The following APLF variants were observed in gnomAD, a reference collection of about 807,000 sequenced individuals.
APLF encodes the protein aprataxin and PNK-like factor.
In APLF, 61 loss-of-function variants were observed where a neutral mutation model predicts 55.6. The observed-to-expected ratio is 1.10, with a 90% CI of 0.89 to 1.36. The LOEUF is 1.36. Ranked by LOEUF, APLF falls within the 40% of genes most tolerant of loss-of-function variation. APLF has a pLI of 0.00. For synonymous variants in APLF, 207 were observed against 214.8 expected (o/e 0.96, Z 0.32); for missense variants, 611 against 602.5 (o/e 1.01, Z -0.15).
chr2:68,517,420 T>A (rs1669645428), intron 5 of APLF, among the ~76,000 whole-genome samples: 1 of 131,270 alleles, frequency 7.6e-6, no homozygotes, highest in Non-Finnish European at 1.5e-5. Flanking sequence ...TATATATTAC[T>A]ATATATTAAT....
At chr2:68,552,568 G>C (rs1670895387) in intron 8 of APLF, among the ~76,000 whole-genome samples, 1 of 151,988 alleles carries the variant, frequency 6.6e-6, no homozygotes, top group African/African-American at 2.4e-5. Flanking sequence ...AGCCTATCAG[G>C]CTTTTTTTTC....
chr2:68,563,787 G>T (rs991164344), intron 8 of APLF, among the ~76,000 whole-genome samples: 1 of 151,958 alleles, frequency 6.6e-6, no homozygotes, highest in African/African-American at 2.4e-5. Flanking sequence ...ACTGTTAAGG[G>T]CAAAGCAGGA....
intron 1 of APLF, among the ~76,000 whole-genome samples, chr2:68,488,276 T>G (rs1676247677): frequency 6.6e-6 from 1 of 152,004 alleles, no homozygotes; most frequent in South Asian, 2.1e-4. Flanking sequence ...AAATTACTTT[T>G]GAATGATTAC....
chr2:68,568,518 A>G (rs1573276256), intron 9 of APLF, among the ~76,000 whole-genome samples: 1 of 152,180 alleles, frequency 6.6e-6, no homozygotes, highest in Non-Finnish European at 1.5e-5. Flanking sequence ...TACTGTGGTC[A>G]TATCTCATGG....
At chr2:68,525,539 A>G (rs982822874) in intron 5 of APLF, among the ~76,000 whole-genome samples, 2 of 152,068 alleles carry the variant, frequency 1.3e-5, no homozygotes, top group African/African-American at 4.8e-5. Context: ...TGATGAAACC[A>G]AAGTTCAGAA....
rs930878197 is a variant in APLF at position 68,578,958 on chromosome 2, T to C, written c.*936T>C. On this transcript the variant is annotated 3_prime_UTR_variant, in exon 10 of 10. Transcript: ENST00000303795. ...TTCTGTATTTCTGTTCTAAAACTAC[T>C]TTAAGCCCTATAATGCTCTTCATAT... 3 of 984,704 alleles carry C rather than the reference T, an allele frequency of 3.0e-6. No individual in the cohort carries two copies. The Admixed American group carries it at 1.8e-4, about 61-fold the overall frequency. The allele number at this position is 984,704 out of a possible 1,614,324, so 61.0% of individuals were successfully genotyped here.
At chr2:68,486,631 A>G (rs995300581) in intron 1 of APLF, among the ~76,000 whole-genome samples, 19 of 152,072 alleles carry the variant, frequency 1.2e-4, no homozygotes, top group African/African-American at 4.6e-4. Context: ...TCTTACATGT[A>G]AGTTAAAGTT....
chr2:68,492,861 A>T (rs1169141817), intron 2 of APLF, among the ~76,000 whole-genome samples: 1 of 152,182 alleles, frequency 6.6e-6, no homozygotes, highest in Admixed American at 6.5e-5. Flanking sequence ...TTTAAATATT[A>T]TTTAGTGTAA....
chr2:68,519,042 AATAAT>A (rs1231933657), intron 5 of APLF, among the ~76,000 whole-genome samples: 5 of 126,938 alleles, frequency 3.9e-5, no homozygotes, highest in Admixed American at 9.0e-5. Context: ...ATTAATATAT[AATAAT>A]ATAATATATA....
intron 9 of APLF, among the ~76,000 whole-genome samples, chr2:68,571,780 T>G (rs1284264184): frequency 6.6e-6 from 1 of 152,204 alleles, no homozygotes; most frequent in Non-Finnish European, 1.5e-5. Flanking sequence ...ATGCAGGCTC[T>G]TTTTTGTTCC....
chr2:68,483,621 G>T lies in APLF; in HGVS notation c.97-6569G>T, dbSNP rs994417489. Among the ~76,000 whole-genome samples, 3 of 152,044 alleles carry T rather than the reference G, an allele frequency of 2.0e-5. No individual in the cohort carries two copies. In the South Asian group the frequency reaches 6.2e-4, roughly 31 times the overall value. ...ACAAGATAATTTTTATAAAATTAAA[G>T]TATAAAGTATTATATAATTATCTTA... is the stretch of plus-strand genomic sequence containing the variant. On this transcript the variant is annotated intron_variant, in intron 1 of 9. Transcript: ENST00000303795.
intron 6 of APLF, among the ~76,000 whole-genome samples, chr2:68,533,638 C>T (rs761370269): frequency 6.6e-6 from 1 of 152,130 alleles, no homozygotes; most frequent in Non-Finnish European, 1.5e-5. Context: ...GATAGCTTTA[C>T]TCGTGTGAAT....
In APLF at chr2:68,486,534, C is replaced by T. The variant is rs565346768; in HGVS notation, c.97-3656C>T. 2.0e-5 allele frequency among the ~76,000 whole-genome samples: 3 copies of T among 152,186 alleles called. No individual in the cohort carries two copies. The East Asian group carries it at 5.8e-4, about 29-fold the overall frequency. On this transcript the variant is annotated intron_variant, in intron 1 of 9. Transcript: ENST00000303795. ...CCCCTAGATTCCCACTCCCTCTCTC[C>T]TCTGTTTCTGTCATTTGCCACCTGA...
chr2:68,532,294 A>G (rs143898457), intron 6 of APLF, among the ~76,000 whole-genome samples: 1 of 152,330 alleles, frequency 6.6e-6, no homozygotes, highest in African/African-American at 2.4e-5. Flanking sequence ...ATTTGGATCA[A>G]TCTACTTGGA....
chr2:68,488,007 G>A (rs930624822), intron 1 of APLF, among the ~76,000 whole-genome samples: 1 of 148,070 alleles, frequency 6.8e-6, no homozygotes. Context: ...TATCTTCGTA[G>A]TGTCAGTGAA....
intron 1 of APLF, among the ~76,000 whole-genome samples, chr2:68,480,971 A>G (rs1265745008): frequency 1.3e-5 from 2 of 152,166 alleles, no homozygotes; most frequent in Non-Finnish European, 2.9e-5. Context: ...TCACTTGATC[A>G]TGGTGTATAA....
At chr2:68,571,769 A>G (rs534155463) in intron 9 of APLF, among the ~76,000 whole-genome samples, 2 of 152,210 alleles carry the variant, frequency 1.3e-5, no homozygotes, top group African/African-American at 4.8e-5. Context: ...TTGACTTGGC[A>G]ATGCAGGCTC....
At chr2:68,477,219 G>T (rs149170971) in intron 1 of APLF, among the ~76,000 whole-genome samples, 11 of 152,280 alleles carry the variant, frequency 7.2e-5, no homozygotes, top group African/African-American at 2.4e-4. Context: ...ATAATTTCTA[G>T]CCACTTCTTG....
Position 68,529,226 on chromosome 2 carries a change from A to G in APLF, c.804+2984A>G. The G allele has an allele frequency of 1.6e-6, 2 of 1,243,424 alleles. No homozygotes were observed. The highest frequency in any genetic ancestry group is 2.2e-6 in the Non-Finnish European group (2 of 923,732). 77.0% of individuals were successfully genotyped at this position (1,243,424 alleles called of 1,614,324 possible). On this transcript the variant is annotated intron_variant, in intron 6 of 9. Coordinates refer to ENST00000303795, the MANE Select transcript of APLF (RefSeq NM_173545.3). The surrounding 1 kb of genome is among the most constrained non-coding windows in gnomAD (Gnocchi z 4.4). ...TGGGGTGCCCGTGTTCCAAGGGATA[A>G]GACACAGCCTCATAAGGGTGCCGTC...
Sources: gnomAD v4.1 joint callset for allele counts (sites outside exome capture counted in the v4.1 genomes callset) on GRCh38, gnomAD v4.1.1 for gene constraint, Gnocchi (gnomAD v3.1) non-coding constraint, MANE v1.5 for transcripts, NCBI Gene and HGNC (gene_info 2026-07-23, HGNC 2026-07-21) for gene names.